TGM4: variants seen among roughly 807,000 people sequenced by gnomAD.
TGM4 encodes the protein protein-glutamine gamma-glutamyltransferase 4.
A neutral mutation model predicts 76.3 loss-of-function variants in TGM4; 61 were observed. The ratio of observed to expected loss-of-function variants is 0.80; its 90% CI spans 0.65 to 0.99. The LOEUF is 0.99. Among genes scored for constraint, TGM4 ranks in the 50% least tolerant of loss-of-function variants. The probability of loss-of-function intolerance (pLI) is 0.00; values close to 1 mark genes in which losing one functional copy is unlikely to be tolerated. For missense variants in TGM4, 794 were observed against 843.2 expected, an observed-to-expected ratio of 0.94 and a Z score of 0.72; for synonymous variants, 337 against 329.8, an observed-to-expected ratio of 1.02 and a Z score of -0.24.
At chr3:44,909,719 C>A (rs1699974546) in intron 10 of TGM4, among the ~76,000 whole-genome samples, 1 of 152,152 alleles carries the variant, frequency 6.6e-6, no homozygotes. Flanking sequence ...AATCAGAATG[C>A]CACAAAACTA....
At chr3:44,877,307 G>T (rs536128366) in intron 1 of TGM4, among the ~76,000 whole-genome samples, 2 of 152,236 alleles carry the variant, frequency 1.3e-5, no homozygotes, top group Admixed American at 6.5e-5. Context: ...AATTAGCCGG[G>T]TGTGGTGGGG....
chr3:44,885,258 A>G, intron 1 of TGM4, 67 bp from the exon 2 acceptor site: 1 of 1,492,162 alleles, frequency 6.7e-7, no homozygotes, highest in Non-Finnish European at 9.1e-7. Context: ...TTTTGAACCC[A>G]GAAAGAGGTG....
At chr3:44,909,932 G>A (rs910968201) in intron 10 of TGM4, among the ~76,000 whole-genome samples, 158 bp from the exon 11 acceptor site, 2 of 152,172 alleles carry the variant, frequency 1.3e-5, no homozygotes, top group Admixed American at 6.5e-5. Context: ...TAGGAATGGG[G>A]ATTTGAATGA....
intron 9 of TGM4, among the ~76,000 whole-genome samples, chr3:44,906,658 T>A (rs1699925575): frequency 6.6e-6 from 1 of 152,094 alleles, no homozygotes; most frequent in South Asian, 2.1e-4. Context: ...CAGACCCAGA[T>A]TGTGTGTCTC....
chr3:44,907,016 C>T lies in TGM4; in HGVS notation c.1143C>T (p.Asp381=). 6.2e-7 allele frequency: 1 copy of T among 1,614,096 alleles called. No homozygotes were observed. Reference sequence around the variant, plus strand: ...AAGGTGACATCTTTATTGTCTATGACACCAGATTCGTCTTCTCAGAAGTGA... The same window carrying T: ...AAGGTGACATCTTTATTGTCTATGATACCAGATTCGTCTTCTCAGAAGTGA... ...IRKGDIFIVY[D]TRFVFSEVNG... The change falls in exon 10 of 14, where the codon GAC becomes GAT. Residue 381 remains aspartate (D), a synonymous_variant. Coordinates refer to ENST00000296125, the MANE Select transcript of TGM4 (RefSeq NM_003241.4).
intron 9 of TGM4, among the ~76,000 whole-genome samples, chr3:44,906,744 T>A (rs1420401569): frequency 5.3e-5 from 8 of 152,206 alleles, no homozygotes; most frequent in Admixed American, 5.2e-4. Context: ...GACAGAGGAT[T>A]CCTGACACTC....
intron 1 of TGM4, 150 bp from the exon 2 acceptor site, chr3:44,885,175 A>G (rs937394797): frequency 2.3e-5 from 17 of 743,736 alleles, no homozygotes; most frequent in Non-Finnish European, 2.0e-5. Flanking sequence ...TCTCAGACAG[A>G]TTCATAACCA....
chr3:44,900,221 G>A (rs547571469), intron 6 of TGM4, among the ~76,000 whole-genome samples: 3 of 152,198 alleles, frequency 2.0e-5, no homozygotes, highest in Non-Finnish European at 4.4e-5. Flanking sequence ...GGCTGGGGCC[G>A]CTTAATTTCG....
In TGM4 at chr3:44,887,673, CTT is replaced by C; in HGVS notation, c.194-14_194-13del. ...GGCCCATGGCTGGGCCAATGTTTTCCTTTGGGTGTCTCCAGGGCCGAATCCTA... is the reference window on the plus strand; with the variant it reads ...GGCCCATGGCTGGGCCAATGTTTTCCTGGGTGTCTCCAGGGCCGAATCCTA... On this transcript the variant is annotated splice_polypyrimidine_tract_variant and intron_variant, in intron 2 of 13. Transcript: ENST00000296125. 1.2e-6 allele frequency: 2 copies of C among 1,612,376 alleles called. No individual in the cohort carries two copies. Among genetic ancestry groups the C allele is most frequent in the East Asian group, 4.5e-5 (2 of 44,862 alleles).
intron 5 of TGM4, among the ~76,000 whole-genome samples, chr3:44,893,989 C>A (rs1225364805): frequency 2.7e-5 from 3 of 112,988 alleles, no homozygotes; most frequent in Non-Finnish European, 5.6e-5. Flanking sequence ...TCTCCCACCC[C>A]CCTCGGCTCT....
intron 7 of TGM4, 34 bp from the exon 8 acceptor site, chr3:44,901,759 C>G (rs773530428): frequency 6.2e-7 from 1 of 1,613,122 alleles, no homozygotes; most frequent in Non-Finnish European, 8.5e-7. Flanking sequence ...CCAGCCCCCA[C>G]AGTTGCCAAC....
intron 1 of TGM4, among the ~76,000 whole-genome samples, chr3:44,877,459 A>T (rs1699465488): frequency 6.6e-6 from 1 of 152,190 alleles, no homozygotes; most frequent in Middle Eastern, 3.4e-3. Context: ...TAAATAAATA[A>T]AAATAAAAAT....
At chr3:44,902,840 C>A (rs935077093) in intron 8 of TGM4, among the ~76,000 whole-genome samples, 1 of 152,048 alleles carries the variant, frequency 6.6e-6, no homozygotes, top group Non-Finnish European at 1.5e-5. Flanking sequence ...TAAAATTGAC[C>A]ACAAGATAGA....
Position 44,914,010 on chromosome 3 carries a change from T to G in TGM4, c.*285T>G. 1 of 329,028 alleles carries G rather than the reference T, an allele frequency of 3.0e-6. No homozygotes were observed. Among genetic ancestry groups the G allele is most frequent in the East Asian group, 5.7e-5 (1 of 17,482 alleles). 20.4% of individuals were successfully genotyped at this position (329,028 alleles called of 1,614,324 possible). A position where few individuals can be genotyped will look rare whatever the true frequency, so the allele number is the denominator to read the frequency against. On this transcript the variant is annotated 3_prime_UTR_variant, in exon 14 of 14. Coordinates refer to ENST00000296125, the MANE Select transcript of TGM4 (RefSeq NM_003241.4). ...AAATCAGGGCCACCATTGTCTCAAT[T>G]CAAATCCATAGATTTCGAAGCCACA...
chr3:44,910,867 A>G, intron 11 of TGM4, 91 bp from the exon 12 acceptor site: 2 of 1,416,380 alleles, frequency 1.4e-6, no homozygotes, highest in Non-Finnish European at 1.9e-6. Flanking sequence ...CAATTCACAC[A>G]AAGTTAATCT....
rs1388805694 is a variant in TGM4 at position 44,887,673 on chromosome 3, C to T, written c.194-16C>T. On this transcript the variant is annotated splice_polypyrimidine_tract_variant and intron_variant, in intron 2 of 13. Coordinates refer to ENST00000296125, the MANE Select transcript of TGM4 (RefSeq NM_003241.4). ...GGCCCATGGCTGGGCCAATGTTTTC[C>T]TTTGGGTGTCTCCAGGGCCGAATCC... 1.2e-6 allele frequency: 2 copies of T among 1,612,376 alleles called. No homozygotes were observed. The highest frequency in any genetic ancestry group is 1.7e-6 in the Non-Finnish European group (2 of 1,179,066).
intron 1 of TGM4, among the ~76,000 whole-genome samples, chr3:44,875,343 A>G (rs922013849): frequency 6.6e-6 from 1 of 152,194 alleles, no homozygotes; most frequent in African/African-American, 2.4e-5. Context: ...ACTTTTGAAG[A>G]GTACAGACCA....
At chr3:44,909,201 C>A (rs1403832849) in intron 10 of TGM4, among the ~76,000 whole-genome samples, 2 of 152,206 alleles carry the variant, frequency 1.3e-5, no homozygotes, top group African/African-American at 2.4e-5. Context: ...CTCTGGCAGG[C>A]AATTTACAAT....
At chr3:44,912,815 A>G (rs865992668) in intron 13 of TGM4, among the ~76,000 whole-genome samples, 1 of 152,204 alleles carries the variant, frequency 6.6e-6, no homozygotes, top group Middle Eastern at 3.2e-3. Context: ...AGTTGGGTTA[A>G]TTCCAAGATG....
Sources: gnomAD v4.1 joint callset for allele counts (sites outside exome capture counted in the v4.1 genomes callset) on GRCh38, gnomAD v4.1.1 for gene constraint, MANE v1.5 for transcripts, NCBI Gene and HGNC (gene_info 2026-07-23, HGNC 2026-07-21) for gene names.